SLC35F4: variants seen among roughly 807,000 people sequenced by gnomAD.
SLC35F4 encodes the protein solute carrier family 35 member F4.
SLC35F4 carries 24 observed loss-of-function variants against 44.2 expected under a neutral mutation model. The observed-to-expected ratio is 0.54, with a 90% CI of 0.39 to 0.76. The LOEUF (loss-of-function observed/expected upper bound fraction) is 0.76. SLC35F4 is among the 30% of genes least tolerant of loss of function. SLC35F4 has a pLI of 0.00. For synonymous variants in SLC35F4, 238 were observed against 223.6 expected (o/e 1.06, Z -0.57); for missense variants, 562 against 586.1 (o/e 0.96, Z 0.42).
At chr14:57,760,428 G>T (rs1379360966) in intron 1 of SLC35F4, among the ~76,000 whole-genome samples, 1 of 151,934 alleles carries the variant, frequency 6.6e-6, no homozygotes, top group African/African-American at 2.4e-5. Context: ...TTTTATTACT[G>T]TACCTTTATA....
At chr14:57,849,617 A>G (rs539536191) in intron 1 of SLC35F4, among the ~76,000 whole-genome samples, 1 of 152,222 alleles carries the variant, frequency 6.6e-6, no homozygotes, top group Non-Finnish European at 1.5e-5. Flanking sequence ...TTTAAGAGAA[A>G]TATTCAGAAA....
intron 1 of SLC35F4, among the ~76,000 whole-genome samples, chr14:57,612,470 G>A (rs1021644052): frequency 6.6e-5 from 10 of 152,106 alleles, no homozygotes; most frequent in East Asian, 1.9e-4. Context: ...TACCTATAGC[G>A]GCATTCCTTG....
At chr14:57,879,835 G>A (rs1478107916) in intron 1 of SLC35F4, among the ~76,000 whole-genome samples, 2 of 151,930 alleles carry the variant, frequency 1.3e-5, no homozygotes, top group African/African-American at 2.4e-5. Context: ...ATAAAGCCAG[G>A]ATTAAGTCTA....
intron 1 of SLC35F4, among the ~76,000 whole-genome samples, chr14:57,738,169 G>A (rs1370827369): frequency 1.3e-5 from 2 of 152,158 alleles, no homozygotes; most frequent in African/African-American, 4.8e-5. Flanking sequence ...TTGACTCCAA[G>A]GGGGAACCAC....
intron 3 of SLC35F4, among the ~76,000 whole-genome samples, chr14:57,588,388 T>A (rs2069932017): frequency 6.6e-6 from 1 of 151,672 alleles, no homozygotes; most frequent in Middle Eastern, 3.2e-3. Context: ...TCATAGCAAT[T>A]TTCCTAGAAG....
At chr14:57,744,909 C>A (rs1315218464) in intron 1 of SLC35F4, among the ~76,000 whole-genome samples, 1 of 152,164 alleles carries the variant, frequency 6.6e-6, no homozygotes, top group Non-Finnish European at 1.5e-5. Flanking sequence ...ACCAATGGAA[C>A]AGAACACAGC....
chr14:57,925,271 G>A (rs930358755), intron 1 of SLC35F4, among the ~76,000 whole-genome samples: 5 of 152,020 alleles, frequency 3.3e-5, no homozygotes, highest in African/African-American at 1.2e-4. Flanking sequence ...TTTTTATAAT[G>A]TCTGCCTTGT....
intron 1 of SLC35F4, among the ~76,000 whole-genome samples, chr14:57,954,453 T>G (rs940708813): frequency 6.6e-6 from 1 of 151,854 alleles, no homozygotes; most frequent in Admixed American, 6.6e-5. Context: ...TAGAGACACA[T>G]AAAACCCTTC....
At chr14:57,957,279 G>A (rs1382763318) in intron 1 of SLC35F4, among the ~76,000 whole-genome samples, 2 of 152,054 alleles carry the variant, frequency 1.3e-5, no homozygotes, top group African/African-American at 4.8e-5. Flanking sequence ...TCACACACCG[G>A]GGACTGTCAG....
At chr14:57,977,393 A>G (rs769629942) in intron 1 of SLC35F4, among the ~76,000 whole-genome samples, 2 of 152,140 alleles carry the variant, frequency 1.3e-5, no homozygotes, top group African/African-American at 2.4e-5. Flanking sequence ...ACAAGACCCA[A>G]TAGGAGAATC....
intron 1 of SLC35F4, among the ~76,000 whole-genome samples, chr14:57,877,256 A>G (rs531370520): frequency 1.3e-5 from 2 of 152,176 alleles, no homozygotes; most frequent in Non-Finnish European, 2.9e-5. Flanking sequence ...AAGAACATGC[A>G]GCATTTGGTT....
intron 1 of SLC35F4, among the ~76,000 whole-genome samples, chr14:57,640,669 G>T (rs950646467): frequency 6.6e-6 from 1 of 151,936 alleles, no homozygotes; most frequent in Non-Finnish European, 1.5e-5. Flanking sequence ...AATAACTGAG[G>T]TTATACAGCA....
At chr14:57,847,793 T>C (rs537400435) in intron 1 of SLC35F4, among the ~76,000 whole-genome samples, 1 of 152,306 alleles carries the variant, frequency 6.6e-6, no homozygotes, top group South Asian at 2.1e-4. Flanking sequence ...AAAATAAAAA[T>C]AATGTACTCT....
rs777757787 is a variant in SLC35F4 at position 57,808,800 on chromosome 14, C to G, written c.103+56923G>C. On this transcript the variant is annotated intron_variant, in intron 1 of 7. Coordinates refer to ENST00000556826, the MANE Select transcript of SLC35F4 (RefSeq NM_001306087.2). Reference sequence around the variant, plus strand: ...CAGCCTGGGTGACAGAGCGAGACTCCGTCTCAAAAAGAAAATTTTTTCTCA... The same window carrying G: ...CAGCCTGGGTGACAGAGCGAGACTCGGTCTCAAAAAGAAAATTTTTTCTCA... Among the ~76,000 whole-genome samples, 5 of 152,192 alleles carry G rather than the reference C, an allele frequency of 3.3e-5. No homozygotes were observed. The East Asian group carries it at 9.7e-4, about 29-fold the overall frequency.
At position 57,603,977 on chromosome 14, in the gene SLC35F4, G is replaced by C. The variant is rs1392075101; in HGVS notation, c.104-9853C>G. On this transcript the variant is annotated intron_variant, in intron 1 of 7. Coordinates refer to ENST00000556826, the MANE Select transcript of SLC35F4 (RefSeq NM_001306087.2). ...CCTTGTTCTCAGAGAGGGACCTCTT[G>C]AGAGCATTTAGGAAAATTTTCTGGA... The C allele has an allele frequency of 2.0e-5, 3 of 152,324 alleles. No individual in the cohort carries two copies. The South Asian group carries it at 6.2e-4, about 32-fold the overall frequency. The allele number at this position is 152,324 out of a possible 1,614,324, so 9.4% of individuals were successfully genotyped here.
chr14:57,677,696 C>T (rs1386656368), intron 1 of SLC35F4, among the ~76,000 whole-genome samples: 1 of 151,924 alleles, frequency 6.6e-6, no homozygotes, highest in African/African-American at 2.4e-5. Flanking sequence ...AGGCAAAATG[C>T]TCCCCTTCAC....
At chr14:57,715,440 T>C (rs1023483345) in intron 1 of SLC35F4, among the ~76,000 whole-genome samples, 27 of 152,226 alleles carry the variant, frequency 1.8e-4, no homozygotes, top group African/African-American at 5.8e-4. Context: ...GTCCTCCTAA[T>C]GGTGGCCTGA....
upstream of SLC35F4, among the ~76,000 whole-genome samples, chr14:57,982,988 C>T (rs537814134): frequency 1.1e-4 from 16 of 152,334 alleles, no homozygotes; most frequent in South Asian, 2.1e-4. Flanking sequence ...CTCTTGTTTC[C>T]GGCACTGCTG....
intron 1 of SLC35F4, among the ~76,000 whole-genome samples, chr14:57,804,704 G>T (rs192974454): frequency 1.6e-4 from 25 of 152,242 alleles, no homozygotes; most frequent in African/African-American, 6.0e-4. Flanking sequence ...CAGGACATAG[G>T]CACAAACAAA....
Sources: gnomAD v4.1 joint callset for allele counts (sites outside exome capture counted in the v4.1 genomes callset) on GRCh38, gnomAD v4.1.1 for gene constraint, MANE v1.5 for transcripts, NCBI Gene and HGNC (gene_info 2026-07-23, HGNC 2026-07-21) for gene names.